The following LNPK variants were observed in gnomAD, a reference collection of about 807,000 sequenced individuals.
The protein encoded by LNPK is endoplasmic reticulum junction formation protein lunapark.
A neutral mutation model predicts 55.2 loss-of-function variants in LNPK; 29 were observed. The observed-to-expected ratio is 0.53, with a 90% CI of 0.39 to 0.72. LNPK has a LOEUF of 0.72. Among genes scored for constraint, LNPK ranks in the 30% least tolerant of loss-of-function variants. LNPK has a pLI of 0.00. For synonymous variants in LNPK, 162 were observed against 168.2 expected, an observed-to-expected ratio of 0.96 and a Z score of 0.29; for missense variants, 467 against 494.8, an observed-to-expected ratio of 0.94 and a Z score of 0.53.
At chr2:175,947,792 C>A in intron 8 of LNPK, 100 bp from the exon 9 acceptor site, 1 of 684,056 alleles carries the variant, frequency 1.5e-6, no homozygotes, top group Non-Finnish European at 2.3e-6. Flanking sequence ...CCCCAAAAGG[C>A]ATTGTAGTGT....
intron 4 of LNPK, among the ~76,000 whole-genome samples, chr2:175,982,528 CT>C (rs1687222290): frequency 2.0e-5 from 3 of 151,954 alleles, no homozygotes; most frequent in African/African-American, 7.3e-5. Flanking sequence ...ATTTATTTTT[CT>C]TTAGGGCTAA....
chr2:175,956,483 C>T (rs1685701018), intron 8 of LNPK, among the ~76,000 whole-genome samples: 1 of 152,072 alleles, frequency 6.6e-6, no homozygotes, highest in African/African-American at 2.4e-5. Context: ...AGATCTATAA[C>T]CCATTAATTA....
chr2:175,929,838 G>C lies in LNPK; in HGVS notation c.*129C>G. The C allele has an allele frequency of 6.8e-7, 1 of 1,468,836 alleles. No individual in the cohort carries two copies. 91.0% of individuals were successfully genotyped at this position (1,468,836 alleles called of 1,614,324 possible). A position where few individuals can be genotyped will look rare whatever the true frequency, so the allele number is the denominator to read the frequency against. On this transcript the variant is annotated 3_prime_UTR_variant, in exon 13 of 13. Coordinates refer to ENST00000272748, the MANE Select transcript of LNPK (RefSeq NM_030650.3). ...TAACTTTGAGATGTTCAAATAGCTAGGCAATCTGAATTCAAATGATACACA... is the reference window on the plus strand; with the variant it reads ...TAACTTTGAGATGTTCAAATAGCTACGCAATCTGAATTCAAATGATACACA...
chr2:175,972,664 C>G (rs754073994), intron 5 of LNPK, among the ~76,000 whole-genome samples: 1 of 152,168 alleles, frequency 6.6e-6, no homozygotes, highest in Non-Finnish European at 1.5e-5. Context: ...TAATGCTGAT[C>G]TGTAATGAGA....
chr2:175,929,949 G>A lies in LNPK; in HGVS notation c.*18C>T, dbSNP rs1381422864. On this transcript the variant is annotated 3_prime_UTR_variant, in exon 13 of 13. Transcript: ENST00000272748. ...GTAAGACTATAAATATCCAGTTGAAGGCACGTGGAAGCATTTACTACTCTG... is the reference window on the plus strand; with the variant it reads ...GTAAGACTATAAATATCCAGTTGAAAGCACGTGGAAGCATTTACTACTCTG... The A allele has an allele frequency of 1.2e-6, 2 of 1,613,080 alleles. No homozygotes were observed. Among genetic ancestry groups the A allele is most frequent in the Non-Finnish European group, 1.7e-6 (2 of 1,179,458 alleles).
chr2:175,971,630 C>A (rs1282873469), intron 5 of LNPK, among the ~76,000 whole-genome samples: 9 of 151,700 alleles, frequency 5.9e-5, no homozygotes, highest in Non-Finnish European at 1.3e-4. Flanking sequence ...ACCTGAATAC[C>A]CAACTCAAAG....
At chr2:175,968,264 A>G (rs1352937406) in intron 6 of LNPK, among the ~76,000 whole-genome samples, 2 of 152,228 alleles carry the variant, frequency 1.3e-5, no homozygotes, top group Non-Finnish European at 2.9e-5. Context: ...TCAGGGAACT[A>G]TAACACTTTT....
chr2:175,933,891 C>T (rs1684410020), intron 12 of LNPK, among the ~76,000 whole-genome samples: 1 of 152,114 alleles, frequency 6.6e-6, no homozygotes, highest in South Asian at 2.1e-4. Flanking sequence ...GCCACCACAC[C>T]TGGATCATTT....
upstream of LNPK, chr2:176,002,403 G>T (rs747051): frequency 2.0e-5 from 7 of 350,218 alleles, no homozygotes; most frequent in Admixed American, 1.9e-4. Flanking sequence ...CGGCCGGGAG[G>T]TTAGGATCTT....
At chr2:175,966,102 ACT>A (rs992154942) in intron 6 of LNPK, among the ~76,000 whole-genome samples, 10 of 152,048 alleles carry the variant, frequency 6.6e-5, no homozygotes, top group African/African-American at 2.4e-4. Context: ...ATGGAGTCTC[ACT>A]CTGTCACCCA....
Position 175,927,970 on chromosome 2 carries a change from T to C in LNPK, c.*1997A>G, listed in dbSNP as rs537976134. Reference sequence around the variant, plus strand: ...GGTACTCACTCATTTTCAAGCAATGTATATCAGAATTTGAATGTTTTATAA... The same window carrying C: ...GGTACTCACTCATTTTCAAGCAATGCATATCAGAATTTGAATGTTTTATAA... On this transcript the variant is annotated 3_prime_UTR_variant, in exon 13 of 13. Transcript: ENST00000272748. The C allele has an allele frequency of 1.3e-5, 2 of 152,296 alleles. No individual in the cohort carries two copies. The highest frequency in any genetic ancestry group is 6.5e-5 in the Admixed American group (1 of 15,294). 9.4% of individuals were successfully genotyped at this position (152,296 alleles called of 1,614,324 possible). A position where few individuals can be genotyped will look rare whatever the true frequency, so the allele number is the denominator to read the frequency against.
chr2:175,953,221 T>C (rs970622370), intron 8 of LNPK, among the ~76,000 whole-genome samples: 2 of 152,098 alleles, frequency 1.3e-5, no homozygotes, highest in Non-Finnish European at 2.9e-5. Context: ...CTCTTAAATG[T>C]CAATGTTCCC....
rs138892792 is a variant in LNPK, at chr2:175,949,677, T to C, written c.494-1985A>G. 1.4e-4 allele frequency among the ~76,000 whole-genome samples: 21 copies of C among 152,148 alleles called. No individual in the cohort carries two copies. The East Asian group carries it at 4.1e-3, about 29-fold the overall frequency. On this transcript the variant is annotated intron_variant, in intron 8 of 12. Coordinates refer to ENST00000272748, the MANE Select transcript of LNPK (RefSeq NM_030650.3). ...GGAGACTAGCTAACAAAGGACACCATGTCAAGCATTCCATAAAAGAGATGT... is the reference window on the plus strand; with the variant it reads ...GGAGACTAGCTAACAAAGGACACCACGTCAAGCATTCCATAAAAGAGATGT...
At chr2:175,943,947 A>G (rs1684991217) in intron 9 of LNPK, among the ~76,000 whole-genome samples, 1 of 152,124 alleles carries the variant, frequency 6.6e-6, no homozygotes, top group Non-Finnish European at 1.5e-5. Context: ...GGTAAGAAAA[A>G]TAAATAGAAG....
chr2:175,930,209 T>TA lies in LNPK; in HGVS notation c.1055-11dup. 1.2e-6 allele frequency: 2 copies of TA among 1,608,156 alleles called. No individual in the cohort carries two copies. The highest frequency in any genetic ancestry group is 2.2e-5 in the East Asian group (1 of 44,792). On this transcript the variant is annotated splice_polypyrimidine_tract_variant and intron_variant, in intron 12 of 12. Coordinates refer to ENST00000272748, the MANE Select transcript of LNPK (RefSeq NM_030650.3). ...TCGTGTTCTAAAGATTCTGAAAAGATAAAGATTCAAAACTTTAGGAATACC... is the reference window on the plus strand; with the variant it reads ...TCGTGTTCTAAAGATTCTGAAAAGATAAAAGATTCAAAACTTTAGGAATACC...
At chr2:175,961,319 C>T in intron 8 of LNPK, among the ~76,000 whole-genome samples, 1 of 152,166 alleles carries the variant, frequency 6.6e-6, no homozygotes, top group Non-Finnish European at 1.5e-5. Context: ...TACTGGTGAA[C>T]TGAATCCAGC....
In LNPK at chr2:175,986,389, TAAATAACTG is replaced by T. The variant is rs1295084824; in HGVS notation, c.257+5833_257+5841del. On this transcript the variant is annotated intron_variant, in intron 4 of 12. Coordinates refer to ENST00000272748, the MANE Select transcript of LNPK (RefSeq NM_030650.3). Reference sequence around the variant, plus strand: ...AATATAAATATATATTTGCCATCCATAAATAACTGATAGATTATAACTCCCTCCAAAAAA... The same window carrying T: ...AATATAAATATATATTTGCCATCCATATAGATTATAACTCCCTCCAAAAAA... Among the ~76,000 whole-genome samples, 15 of 152,080 alleles carry T rather than the reference TAAATAACTG, an allele frequency of 9.9e-5. No individual in the cohort carries two copies. In the Middle Eastern group the frequency reaches 0.01, roughly 103 times the overall value.
At chr2:175,938,005 C>A (rs552785754) in intron 11 of LNPK, 2 of 215,736 alleles carry the variant, frequency 9.3e-6, no homozygotes, top group East Asian at 2.1e-4. Flanking sequence ...GATGCCTGGA[C>A]CTCATACTCA....
At chr2:175,939,984 C>T (rs780547031) in intron 9 of LNPK, among the ~76,000 whole-genome samples, 51 of 152,064 alleles carry the variant, frequency 3.4e-4, no homozygotes, top group Middle Eastern at 3.4e-3. Flanking sequence ...TAAAAGCCTA[C>T]GTGATAGTAA....
Sources: gnomAD v4.1 joint callset for allele counts (sites outside exome capture counted in the v4.1 genomes callset) on GRCh38, gnomAD v4.1.1 for gene constraint, MANE v1.5 for transcripts, NCBI Gene and HGNC (gene_info 2026-07-23, HGNC 2026-07-21) for gene names.